Variants in PTK2 observed in about 807,000 individuals in gnomAD.
The protein encoded by PTK2 is protein tyrosine kinase 2.
Under a neutral mutation model 150.1 loss-of-function variants are expected in PTK2, and 45 were observed. The ratio of observed to expected loss-of-function variants is 0.30; its 90% confidence interval spans 0.24 to 0.38. The LOEUF is 0.38. PTK2 is among the 10% of genes least tolerant of loss of function. PTK2 has a pLI of 1.00. For synonymous variants in PTK2, 432 were observed against 449.2 expected, an observed-to-expected ratio of 0.96 and a Z score of 0.48; for missense variants, 919 against 1,307.3, an observed-to-expected ratio of 0.70 and a Z score of 4.58.
At chr8:140,959,418 A>G (rs561294048) in intron 1 of PTK2, among the ~76,000 whole-genome samples, 11 of 151,380 alleles carry the variant, frequency 7.3e-5, no homozygotes, top group African/African-American at 2.7e-4. Flanking sequence ...GGGTGCCTGT[A>G]GTCCCAGCCA....
At chr8:140,973,009 T>C (rs2100187902) in intron 1 of PTK2, among the ~76,000 whole-genome samples, 1 of 152,258 alleles carries the variant, frequency 6.6e-6, no homozygotes, top group Non-Finnish European at 1.5e-5. Flanking sequence ...TATGACACAC[T>C]TCTGGAGACA....
intron 10 of PTK2, among the ~76,000 whole-genome samples, chr8:140,808,921 CGG>C (rs999275885): frequency 1.3e-5 from 2 of 151,744 alleles, no homozygotes; most frequent in African/African-American, 4.8e-5. Flanking sequence ...TTAGTAGAGA[CGG>C]GGTTTTGCCA....
intron 2 of PTK2, chr8:140,920,820 C>A: frequency 6.6e-7 from 1 of 1,517,054 alleles, no homozygotes; most frequent in Non-Finnish European, 8.8e-7. Context: ...ATACCTTTAG[C>A]CCAACACACT....
chr8:140,856,647 G>A (rs1005022080), intron 5 of PTK2, among the ~76,000 whole-genome samples: 1 of 152,154 alleles, frequency 6.6e-6, no homozygotes, highest in African/African-American at 2.4e-5. Context: ...TGACTGGGAA[G>A]GGTCAGTGGG....
intron 22 of PTK2, among the ~76,000 whole-genome samples, chr8:140,731,027 C>T (rs1026824379): frequency 1.4e-5 from 2 of 142,768 alleles, no homozygotes; most frequent in Admixed American, 7.1e-5. Context: ...GGCGCAATAC[C>T]GGCTCACTGC....
At chr8:140,919,951 C>G (rs2154608249) in intron 2 of PTK2, among the ~76,000 whole-genome samples, 1 of 151,920 alleles carries the variant, frequency 6.6e-6, no homozygotes, top group Middle Eastern at 3.4e-3. Flanking sequence ...GGTTTAGTAC[C>G]CAGTGGTACT....
At chr8:140,829,196 T>C (rs887110488) in intron 8 of PTK2, among the ~76,000 whole-genome samples, 1 of 152,248 alleles carries the variant, frequency 6.6e-6, no homozygotes, top group African/African-American at 2.4e-5. Context: ...TCTTATTGCA[T>C]TTCTAGAATG....
At chr8:140,935,893 C>A (rs555185457) in intron 1 of PTK2, among the ~76,000 whole-genome samples, 3 of 151,936 alleles carry the variant, frequency 2.0e-5, no homozygotes, top group African/African-American at 7.2e-5. Context: ...GTGATCCACC[C>A]GCCTCAACCT....
intron 30 of PTK2, among the ~76,000 whole-genome samples, chr8:140,667,944 T>C (rs2152974369): frequency 6.6e-6 from 1 of 152,356 alleles, no homozygotes; most frequent in East Asian, 1.9e-4. Flanking sequence ...TTTACATAAA[T>C]GGCATCATAC....
At chr8:140,744,000 A>G (rs920936733) in intron 19 of PTK2, among the ~76,000 whole-genome samples, 2 of 150,230 alleles carry the variant, frequency 1.3e-5, no homozygotes, top group African/African-American at 4.9e-5. Flanking sequence ...GATGTTCTCG[A>G]TCTCCTGATC....
chr8:140,701,589 A>C (rs2100030490), intron 25 of PTK2, among the ~76,000 whole-genome samples: 2 of 152,290 alleles, frequency 1.3e-5, no homozygotes, highest in South Asian at 4.1e-4. Context: ...AAACTATAGG[A>C]GTAGTTCTTG....
rs2089742169 is a variant in PTK2 at position 140,665,349 on chromosome 8, C to T, written c.2866-352G>A. 2.0e-5 allele frequency among the ~76,000 whole-genome samples: 3 copies of T among 152,076 alleles called. 1 individual carries two copies. Among genetic ancestry groups the T allele is most frequent in the African/African-American group, 7.2e-5 (3 of 41,390 alleles). On this transcript the variant is annotated intron_variant, in intron 30 of 31. Coordinates refer to ENST00000522684, the Ensembl canonical transcript of PTK2. ...GCTCCAACTGCCAACCCTGCCAACA[C>T]AGGTTAGGATAAATAGTAGCACCTT...
intron 1 of PTK2, among the ~76,000 whole-genome samples, chr8:140,929,479 G>A (rs1292304190): frequency 6.6e-6 from 1 of 152,110 alleles, no homozygotes; most frequent in Non-Finnish European, 1.5e-5. Flanking sequence ...CCTGTACAAG[G>A]TGGCTTTATG....
At chr8:140,941,808 C>G (rs1338865495) in intron 1 of PTK2, among the ~76,000 whole-genome samples, 1 of 152,102 alleles carries the variant, frequency 6.6e-6, no homozygotes, top group Non-Finnish European at 1.5e-5. Context: ...CAGGCTCAGG[C>G]GATCCTCCCA....
At chr8:140,750,823 C>T (rs944292436) in intron 17 of PTK2, among the ~76,000 whole-genome samples, 4 of 152,184 alleles carry the variant, frequency 2.6e-5, no homozygotes, top group Non-Finnish European at 5.9e-5. Context: ...CAGTGGCTCA[C>T]GCCTGTAATC....
chr8:140,851,491 AT>A (rs1171204598), intron 5 of PTK2, among the ~76,000 whole-genome samples: 1 of 152,246 alleles, frequency 6.6e-6, no homozygotes, highest in Non-Finnish European at 1.5e-5. Context: ...ATAAAGCTAT[AT>A]GACAACAAAT....
At chr8:140,706,256 C>T (rs758873966) in intron 23 of PTK2, 51 bp from the exon 27 acceptor site, 3 of 1,384,968 alleles carry the variant, frequency 2.2e-6, no homozygotes, top group Non-Finnish European at 1.0e-6. Flanking sequence ...TTTTGACAAA[C>T]CTGTACTTTA....
At chr8:140,819,938 T>C (rs1403594616) in intron 8 of PTK2, among the ~76,000 whole-genome samples, 1 of 151,892 alleles carries the variant, frequency 6.6e-6, no homozygotes, top group Non-Finnish European at 1.5e-5. Flanking sequence ...GAGAAGGCCA[T>C]GGATAAAGGG....
intron 2 of PTK2, among the ~76,000 whole-genome samples, chr8:140,915,033 CAAAAAAAAAAA>C (rs10661609): frequency 1.5e-4 from 8 of 53,072 alleles, no homozygotes; most frequent in Admixed American, 7.5e-4. Flanking sequence ...AACTCCAACT[CAAAAAAAAAAA>C]AAAAAAAAAA....
Sources: gnomAD v4.1 joint callset for allele counts (sites outside exome capture counted in the v4.1 genomes callset) on GRCh38, gnomAD v4.1.1 for gene constraint, MANE v1.5 for transcripts, NCBI Gene and HGNC (gene_info 2026-07-23, HGNC 2026-07-21) for gene names.